PFKP: variants seen among roughly 807,000 people sequenced by gnomAD.
PFKP encodes ATP-dependent 6-phosphofructokinase, platelet type.
Under a neutral mutation model 94.3 loss-of-function variants are expected in PFKP, and 101 were observed. The ratio of observed to expected loss-of-function variants is 1.07; its 90% confidence interval spans 0.91 to 1.26. The LOEUF (loss-of-function observed/expected upper bound fraction) is 1.26, where lower values mean the gene tolerates loss of function less well. Ranked by LOEUF, PFKP falls within the 50% of genes most tolerant of loss-of-function variation. PFKP has a pLI of 0.00. For missense variants in PFKP, 1,145 were observed against 1,103.3 expected, an observed-to-expected ratio of 1.04 and a Z score of -0.53; for synonymous variants, 573 against 432.6, an observed-to-expected ratio of 1.32 and a Z score of -4.03.
At chr10:3,112,156 C>T (rs978472024) in intron 10 of PFKP, 66 bp from the exon 11 acceptor site, 3 of 1,324,448 alleles carry the variant, frequency 2.3e-6, no homozygotes, top group African/African-American at 2.9e-5. Flanking sequence ...CCAGTCTCTA[C>T]CTACCCCATC....
intron 18 of PFKP, 149 bp from the exon 19 acceptor site, chr10:3,133,054 A>C: frequency 3.0e-6 from 2 of 664,012 alleles, no homozygotes; most frequent in Non-Finnish European, 5.5e-6. Flanking sequence ...GCAGAAAGCA[A>C]AACCGTGAAC....
At chr10:3,126,832 T>C (rs4881099) in intron 16 of PFKP, among the ~76,000 whole-genome samples, 93,386 of 152,222 alleles carry the variant, frequency 0.61, 29,301 homozygotes, top group South Asian at 0.71. Context: ...GGGGAATTTC[T>C]CAGCAGCAGG....
rs1217400484 is a variant in PFKP, at chr10:3,113,389, T to C, written c.1242T>C (p.Ala414=). The change falls in exon 13 of 22, where the codon GCT becomes GCC. Residue 414 remains alanine, a synonymous_variant. Transcript: ENST00000381125. ...DQIPKTNCNV[A]VINVGAPAAG... is the part of the protein sequence containing the mutation. ...TTTTGCAGACCAATTGCAACGTAGC[T>C]GTCATCAACGTGGGGGCACCCGCGG... The C allele has an allele frequency of 1.0e-5, 16 of 1,592,424 alleles. No homozygotes were observed. The highest frequency in any genetic ancestry group is 4.3e-6 in the Non-Finnish European group (5 of 1,166,498).
intron 14 of PFKP, among the ~76,000 whole-genome samples, chr10:3,118,399 C>T (rs553649006): frequency 3.1e-4 from 47 of 152,092 alleles, no homozygotes; most frequent in African/African-American, 1.1e-3. Context: ...ACCCGGGAGG[C>T]GGAGCTTGCA....
At chr10:3,077,201 G>C (rs955720456) in intron 1 of PFKP, among the ~76,000 whole-genome samples, 1 of 151,130 alleles carries the variant, frequency 6.6e-6, no homozygotes, top group Non-Finnish European at 1.5e-5. Flanking sequence ...CAATGGAGGA[G>C]GTAAAAGATA....
chr10:3,095,395 T>C (rs1012703658), intron 2 of PFKP, among the ~76,000 whole-genome samples: 15 of 152,222 alleles, frequency 9.9e-5, no homozygotes, highest in African/African-American at 3.4e-4. Flanking sequence ...CAATTTCGAA[T>C]AAGTTGAAAT....
intron 11 of PFKP, 121 bp downstream of exon 11, chr10:3,112,407 G>A: frequency 1.3e-6 from 1 of 785,666 alleles, no homozygotes. Context: ...AGAAAGTCAG[G>A]CAGTACTCAC....
chr10:3,112,441 C>A (rs1025965040), intron 11 of PFKP, among the ~76,000 whole-genome samples, 155 bp downstream of exon 11: 2 of 152,114 alleles, frequency 1.3e-5, no homozygotes, highest in African/African-American at 4.8e-5. Flanking sequence ...CAGTAGCAGG[C>A]CCTGGTGACT....
At chr10:3,099,571 G>T (rs997277458) in intron 3 of PFKP, among the ~76,000 whole-genome samples, 1 of 152,200 alleles carries the variant, frequency 6.6e-6, no homozygotes, top group Non-Finnish European at 1.5e-5. Flanking sequence ...AATCCAAATC[G>T]GTGCCTCCCC....
intron 7 of PFKP, among the ~76,000 whole-genome samples, chr10:3,105,922 A>G (rs1359959652): frequency 1.3e-5 from 2 of 152,080 alleles, no homozygotes; most frequent in Non-Finnish European, 2.9e-5. Context: ...TCCTTTCATG[A>G]CCTCTTTAGG....
intron 12 of PFKP, 49 bp downstream of exon 12, chr10:3,113,237 C>A: frequency 6.3e-7 from 1 of 1,586,436 alleles, no homozygotes; most frequent in Non-Finnish European, 8.6e-7. Flanking sequence ...GCGGGCCTCC[C>A]CTCATGGCCT....
chr10:3,119,764 G>GGTCGT, intron 15 of PFKP, 128 bp from the exon 16 acceptor site: 5 of 657,900 alleles, frequency 7.6e-6, no homozygotes, highest in South Asian at 3.9e-5. Flanking sequence ...TGATCTCGGA[G>GGTCGT]TGTTTTCGTG....
chr10:3,101,081 G>T, intron 3 of PFKP: 1 of 1,138,948 alleles, frequency 8.8e-7, no homozygotes, highest in Non-Finnish European at 1.3e-6. Flanking sequence ...TGACACCGCA[G>T]GCTGGTTCCT....
intron 2 of PFKP, among the ~76,000 whole-genome samples, chr10:3,087,936 G>T (rs1425821721): frequency 3.4e-5 from 5 of 147,724 alleles, no homozygotes; most frequent in African/African-American, 1.3e-4. Context: ...TCCATTTATG[G>T]TATCATCATT....
At chr10:3,110,919 C>A (rs866070200) in intron 10 of PFKP, among the ~76,000 whole-genome samples, 1 of 147,436 alleles carries the variant, frequency 6.8e-6, no homozygotes, top group East Asian at 2.0e-4. Context: ...CATGTTTGTA[C>A]GTGTGTGCAT....
chr10:3,136,425 C>CT, intron 21 of PFKP, 25 bp from the exon 22 acceptor site: 1 of 1,612,780 alleles, frequency 6.2e-7, no homozygotes. Flanking sequence ...GCAGGCCTCA[C>CT]TGCTGTCTCC....
At position 3,124,418 on chromosome 10, in the gene PFKP, C is replaced by G. The variant is rs568347558; in HGVS notation, c.1683+4374C>G. 3.3e-5 allele frequency among the ~76,000 whole-genome samples: 5 copies of G among 152,332 alleles called. No homozygotes were observed. The South Asian group carries it at 1.0e-3, about 32-fold the overall frequency. Reference sequence around the variant, plus strand: ...GGTGTACACGGGCTCAAGAACCGCTCCCCTTTCTGATACCGGAGCGCATTT... The same window carrying G: ...GGTGTACACGGGCTCAAGAACCGCTGCCCTTTCTGATACCGGAGCGCATTT... On this transcript the variant is annotated intron_variant, in intron 16 of 21. Transcript: ENST00000381125.
At chr10:3,080,641 G>A (rs764609575) in intron 1 of PFKP, among the ~76,000 whole-genome samples, 4 of 152,112 alleles carry the variant, frequency 2.6e-5, no homozygotes, top group South Asian at 2.1e-4. Flanking sequence ...GCAAGGCACC[G>A]TCCCCATACC....
intron 14 of PFKP, among the ~76,000 whole-genome samples, chr10:3,117,756 C>T (rs941400349): frequency 3.9e-5 from 6 of 152,158 alleles, no homozygotes; most frequent in South Asian, 4.1e-4. Context: ...GCTGACACCC[C>T]GGGCACAGGT....
Sources: allele counts gnomAD v4.1 joint callset (sites outside exome capture counted in the v4.1 genomes callset), GRCh38; gene constraint gnomAD v4.1.1; transcripts MANE v1.5; gene names NCBI Gene and HGNC (gene_info 2026-07-23, HGNC 2026-07-21).